The following PRKX variants were observed in gnomAD, a reference collection of about 807,000 sequenced individuals.
PRKX encodes the protein cAMP-dependent protein kinase catalytic subunit PRKX.
PRKX carries 12 observed loss-of-function variants against 22.0 expected under a neutral mutation model. The ratio of observed to expected loss-of-function variants is 0.54; its 90% CI spans 0.35 to 0.88. The LOEUF is 0.88. Ranked by LOEUF, PRKX falls within the 40% of genes least tolerant of loss-of-function variation. PRKX has a pLI of 0.01. For missense variants in PRKX, 217 were observed against 308.0 expected, an observed-to-expected ratio of 0.70 and a Z score of 2.21; for synonymous variants, 134 against 137.7, an observed-to-expected ratio of 0.97 and a Z score of 0.19.
chrX:3,644,957 G>A (rs1046896148), intron 3 of PRKX, among the ~76,000 whole-genome samples: 4 of 111,636 alleles, frequency 3.6e-5, no homozygotes, highest in African/African-American at 1.3e-4. Flanking sequence ...GGTTGTATGA[G>A]GCTGTATAAG....
At chrX:3,676,164 C>T (rs183970333) in intron 1 of PRKX, among the ~76,000 whole-genome samples, 1 of 111,886 alleles carries the variant, frequency 8.9e-6, no homozygotes, top group Non-Finnish European at 1.9e-5. Flanking sequence ...TTCACAGCTG[C>T]AGACAGAGAT....
At chrX:3,689,273 T>G (rs1928247651) in intron 1 of PRKX, among the ~76,000 whole-genome samples, 1 of 112,952 alleles carries the variant, frequency 8.9e-6, no homozygotes, top group African/African-American at 3.2e-5. Flanking sequence ...GAAATAAGTG[T>G]GTGAAACACG....
intron 1 of PRKX, among the ~76,000 whole-genome samples, chrX:3,705,767 A>G (rs1277284358): frequency 4.8e-5 from 5 of 104,564 alleles, no homozygotes; most frequent in Non-Finnish European, 9.8e-5. Context: ...GCTCACTGCA[A>G]GCTCCACCTC....
intron 5 of PRKX, among the ~76,000 whole-genome samples, chrX:3,623,015 T>A (rs1418016617): frequency 1.8e-5 from 2 of 111,634 alleles, no homozygotes; most frequent in Admixed American, 1.9e-4. Flanking sequence ...AGATAAACCT[T>A]TGTTTTCTTA....
intron 2 of PRKX, among the ~76,000 whole-genome samples, chrX:3,664,442 T>G (rs957805960): frequency 9.0e-6 from 1 of 111,616 alleles, no homozygotes; most frequent in African/African-American, 3.3e-5. Flanking sequence ...CTCCCTATAT[T>G]GCCCAGGCTG....
rs188531394 is a variant in PRKX at position 3,618,762 on chromosome X, T to C, written c.873+2497A>G. On this transcript the variant is annotated intron_variant, in intron 6 of 8. Transcript: ENST00000262848. ...ATTCCTTTGATTGGGAAACTTGTTC[T>C]TCCCCCTTGGAAGGTACCTATGATG... is the stretch of plus-strand genomic sequence containing the variant. Among the ~76,000 whole-genome samples, 4 of 111,869 alleles carry C rather than the reference T, an allele frequency of 3.6e-5. No homozygotes were observed. The East Asian group carries it at 1.1e-3, about 32-fold the overall frequency.
chrX:3,629,209 C>T (rs745370506), intron 4 of PRKX, among the ~76,000 whole-genome samples: 37 of 110,176 alleles, frequency 3.4e-4, no homozygotes, highest in Non-Finnish European at 5.9e-4. Flanking sequence ...CACTATAAGG[C>T]ATCCTCAATA....
At chrX:3,641,469 T>C in intron 4 of PRKX, 2 of 166,196 alleles carry the variant, frequency 1.2e-5, no homozygotes, top group Non-Finnish European at 2.3e-5. Context: ...GCAGAAGTGA[T>C]AAGGGGGGAA....
intron 3 of PRKX, among the ~76,000 whole-genome samples, chrX:3,643,510 CT>C (rs776485161): frequency 2.0e-4 from 22 of 111,293 alleles, no homozygotes; most frequent in Non-Finnish European, 3.4e-4. Context: ...TGGCGCTCTA[CT>C]GCTGGGTAGA....
chrX:3,618,068 AGAG>A (rs543065030), intron 6 of PRKX, among the ~76,000 whole-genome samples: 3,293 of 72,033 alleles, frequency 0.046, 147 homozygotes, highest in East Asian at 0.29. Context: ...AAAAAAAAAA[AGAG>A]AGAGAGAGAG....
chrX:3,708,900 G>A (rs1569066586), intron 1 of PRKX, among the ~76,000 whole-genome samples: 1 of 109,357 alleles, frequency 9.1e-6, no homozygotes, highest in Non-Finnish European at 1.9e-5. Flanking sequence ...CTGTGGTGAG[G>A]GAATTCATCC....
intron 4 of PRKX, among the ~76,000 whole-genome samples, chrX:3,633,997 C>A (rs1392855449): frequency 9.0e-6 from 1 of 111,731 alleles, no homozygotes; most frequent in African/African-American, 3.3e-5. Flanking sequence ...CACCTGTAAT[C>A]TCAGCACTTT....
At chrX:3,682,022 G>T (rs889630512) in intron 1 of PRKX, among the ~76,000 whole-genome samples, 21 of 111,544 alleles carry the variant, frequency 1.9e-4, no homozygotes, top group Non-Finnish European at 3.8e-4. Flanking sequence ...GAGCTGTATG[G>T]AATAAACACA....
chrX:3,673,400 G>A (rs972203083), intron 2 of PRKX, among the ~76,000 whole-genome samples: 2 of 111,052 alleles, frequency 1.8e-5, no homozygotes, highest in African/African-American at 6.6e-5. Flanking sequence ...GGCTTTATAT[G>A]GGATACTTCA....
At chrX:3,624,925 C>T (rs1926630870) in intron 5 of PRKX, among the ~76,000 whole-genome samples, 1 of 111,333 alleles carries the variant, frequency 9.0e-6, no homozygotes, top group Non-Finnish European at 1.9e-5. Flanking sequence ...CCTCACCTGG[C>T]CAAACTCGAT....
At chrX:3,640,682 G>A (rs1569047427) in intron 4 of PRKX, among the ~76,000 whole-genome samples, 3 of 111,417 alleles carry the variant, frequency 2.7e-5, no homozygotes, top group East Asian at 2.8e-4. Flanking sequence ...AACAGGGGCC[G>A]GGTAAAATGA....
At chrX:3,632,482 C>T (rs1489282130) in intron 4 of PRKX, among the ~76,000 whole-genome samples, 1 of 89,846 alleles carries the variant, frequency 1.1e-5, no homozygotes, top group Non-Finnish European at 2.3e-5. Flanking sequence ...GTGAATAATG[C>T]ACAAATACAG....
chrX:3,694,671 A>C (rs755186947), intron 1 of PRKX, among the ~76,000 whole-genome samples: 1 of 112,464 alleles, frequency 8.9e-6, no homozygotes, highest in Non-Finnish European at 1.9e-5. Context: ...ATGGGAACTT[A>C]TTTGGAAATA....
At chrX:3,641,204 C>T (rs1037179941) in intron 4 of PRKX, among the ~76,000 whole-genome samples, 8 of 111,603 alleles carry the variant, frequency 7.2e-5, no homozygotes, top group African/African-American at 2.6e-4. Flanking sequence ...TTCTTTATTG[C>T]GAGAGATCCA....
Sources: gnomAD v4.1 joint callset for allele counts (sites outside exome capture counted in the v4.1 genomes callset) on GRCh38, gnomAD v4.1.1 for gene constraint, MANE v1.5 for transcripts, NCBI Gene and HGNC (gene_info 2026-07-23, HGNC 2026-07-21) for gene names.